The following EYS variants were observed in gnomAD, a reference collection of about 807,000 sequenced individuals.
EYS encodes the protein EGF-like photoreceptor maintenance factor.
EYS carries 250 observed loss-of-function variants against 282.1 expected under a neutral mutation model. The ratio of observed to expected loss-of-function variants is 0.89; its 90% CI spans 0.80 to 0.98. EYS has a LOEUF of 0.98. EYS is among the 50% of genes least tolerant of loss of function. EYS has a pLI of 0.00. For missense variants in EYS, 4,016 were observed against 3,709.0 expected (o/e 1.08, Z -2.15); for synonymous variants, 1,355 against 1,282.9 (o/e 1.06, Z -1.20).
intron 8 of EYS, among the ~76,000 whole-genome samples, chr6:65,379,302 A>G (rs1204294463): frequency 6.6e-6 from 1 of 152,022 alleles, no homozygotes. Flanking sequence ...GGATGCAAAG[A>G]TAGTTCAACA....
chr6:64,559,845 A>T (rs1395226989), intron 26 of EYS, among the ~76,000 whole-genome samples: 1 of 152,056 alleles, frequency 6.6e-6, no homozygotes, highest in Non-Finnish European at 1.5e-5. Context: ...TGTACAGATT[A>T]TTTCATCACC....
chr6:64,824,813 A>T (rs1434628177), intron 19 of EYS, among the ~76,000 whole-genome samples: 1 of 151,932 alleles, frequency 6.6e-6, no homozygotes, highest in Non-Finnish European at 1.5e-5. Context: ...AGCTAGAGAC[A>T]GCATCATCAA....
chr6:63,911,043 T>C (rs1428643797), intron 35 of EYS, among the ~76,000 whole-genome samples: 1 of 152,150 alleles, frequency 6.6e-6, no homozygotes, highest in Non-Finnish European at 1.5e-5. Context: ...AAACATTTGG[T>C]TTGAACTTGG....
intron 26 of EYS, among the ~76,000 whole-genome samples, chr6:64,454,576 G>T (rs1562004918): frequency 6.6e-6 from 1 of 151,922 alleles, no homozygotes. Flanking sequence ...CTCCCAATTG[G>T]TGGGTTCTGT....
intron 1 of EYS, among the ~76,000 whole-genome samples, chr6:65,697,916 ACTG>A (rs1769513729): frequency 5.9e-5 from 9 of 152,274 alleles, no homozygotes; most frequent in African/African-American, 2.2e-4. Flanking sequence ...ACATTTCAAA[ACTG>A]CTGTACTACC....
chr6:65,080,856 A>T (rs903278949), intron 12 of EYS, among the ~76,000 whole-genome samples: 2 of 152,290 alleles, frequency 1.3e-5, no homozygotes, highest in Middle Eastern at 3.4e-3. Flanking sequence ...GCATCTTTTT[A>T]CATGTACTGA....
intron 13 of EYS, among the ~76,000 whole-genome samples, chr6:65,054,015 A>G (rs1239314570): frequency 6.6e-6 from 1 of 151,950 alleles, no homozygotes; most frequent in Non-Finnish European, 1.5e-5. Flanking sequence ...AAGAGTTTCT[A>G]AGTTTTACAA....
At chr6:64,551,364 G>T (rs1323300071) in intron 26 of EYS, among the ~76,000 whole-genome samples, 2 of 151,856 alleles carry the variant, frequency 1.3e-5, no homozygotes, top group African/African-American at 4.8e-5. Flanking sequence ...AGGAGTCTTT[G>T]ATTTGAGGAT....
chr6:65,579,495 A>G (rs928591258), intron 2 of EYS, among the ~76,000 whole-genome samples: 15 of 152,104 alleles, frequency 9.9e-5, no homozygotes, highest in African/African-American at 3.6e-4. Context: ...TAAACAACAG[A>G]AATACATTTT....
chr6:64,675,083 T>A (rs1454241407), intron 22 of EYS, among the ~76,000 whole-genome samples: 1 of 152,288 alleles, frequency 6.6e-6, no homozygotes, highest in Admixed American at 6.5e-5. Context: ...CAAATTCTAA[T>A]ACAAGTTTTA....
chr6:64,935,721 A>T (rs983054795), intron 15 of EYS, among the ~76,000 whole-genome samples: 13 of 151,762 alleles, frequency 8.6e-5, no homozygotes, highest in African/African-American at 3.1e-4. Context: ...GAAATAGATA[A>T]CTTTACAGAA....
chr6:64,759,653 T>C (rs997413392), intron 22 of EYS, among the ~76,000 whole-genome samples: 7 of 152,122 alleles, frequency 4.6e-5, no homozygotes, highest in Non-Finnish European at 8.8e-5. Context: ...GATAAAAATA[T>C]ATTTAAAATC....
At chr6:65,619,767 TTG>T (rs1766393224) in intron 2 of EYS, among the ~76,000 whole-genome samples, 1 of 150,894 alleles carries the variant, frequency 6.6e-6, no homozygotes, top group South Asian at 2.1e-4. Context: ...GCATGAAGGG[TTG>T]TTGAATTTTG....
intron 12 of EYS, among the ~76,000 whole-genome samples, chr6:65,096,020 G>C (rs985246723): frequency 2.2e-4 from 33 of 150,958 alleles, no homozygotes; most frequent in African/African-American, 7.0e-4. Context: ...TCTGTTTGGA[G>C]ATGACAGGGT....
chr6:65,152,988 A>AC (rs1764648701), intron 12 of EYS, among the ~76,000 whole-genome samples: 3 of 151,618 alleles, frequency 2.0e-5, no homozygotes, highest in Admixed American at 2.0e-4. Context: ...AGACCAAAAA[A>AC]AAAAAAAAGT....
At chr6:64,660,906 A>T (rs989989528) in intron 22 of EYS, among the ~76,000 whole-genome samples, 1 of 152,174 alleles carries the variant, frequency 6.6e-6, no homozygotes, top group Non-Finnish European at 1.5e-5. Context: ...TCATATGGAA[A>T]CAAAAATGAG....
At chr6:65,155,315 G>A (rs1764706247) in intron 12 of EYS, among the ~76,000 whole-genome samples, 1 of 151,428 alleles carries the variant, frequency 6.6e-6, no homozygotes, top group African/African-American at 2.4e-5. Context: ...ATGAAAAGAA[G>A]ACAAAGAAAG....
At chr6:64,404,944 T>G (rs1773659429) in intron 28 of EYS, among the ~76,000 whole-genome samples, 1 of 152,158 alleles carries the variant, frequency 6.6e-6, no homozygotes, top group South Asian at 2.1e-4. Flanking sequence ...AGAGAAAAAG[T>G]CAAGGCCACT....
chr6:64,074,867 A>T (rs1771711090), intron 32 of EYS, among the ~76,000 whole-genome samples: 1 of 151,934 alleles, frequency 6.6e-6, no homozygotes, highest in Non-Finnish European at 1.5e-5. Flanking sequence ...TTGATAATAT[A>T]AACATACCTG....
Sources: allele counts gnomAD v4.1 joint callset (sites outside exome capture counted in the v4.1 genomes callset), GRCh38; gene constraint gnomAD v4.1.1; transcripts MANE v1.5; gene names NCBI Gene and HGNC (gene_info 2026-07-23, HGNC 2026-07-21).